The following DMBT1 variants were observed in gnomAD, a reference collection of about 807,000 sequenced individuals.
DMBT1 encodes the protein deleted in malignant brain tumors 1, also known as scavenger receptor cysteine-rich domain-containing protein DMBT1.
Under a neutral mutation model 252.9 loss-of-function variants are expected in DMBT1, and 198 were observed. The observed-to-expected ratio is 0.78, with a 90% confidence interval of 0.70 to 0.88. DMBT1 has a LOEUF of 0.88. DMBT1 is among the 40% of genes least tolerant of loss of function. The pLI is 0.00. For missense variants in DMBT1, 2,432 were observed against 2,404.7 expected, an observed-to-expected ratio of 1.01 and a Z score of -0.24; for synonymous variants, 990 against 942.7, an observed-to-expected ratio of 1.05 and a Z score of -0.92.
intron 46 of DMBT1, among the ~76,000 whole-genome samples, chr10:122,629,187 T>G (rs1366391548): frequency 6.6e-6 from 1 of 152,238 alleles, no homozygotes; most frequent in Non-Finnish European, 1.5e-5. Flanking sequence ...CTTATGTTTA[T>G]GTATAAATGT....
chr10:122,580,318 G>T (rs1447532807), intron 10 of DMBT1, among the ~76,000 whole-genome samples: 1 of 152,226 alleles, frequency 6.6e-6, no homozygotes, highest in African/African-American at 2.4e-5. Flanking sequence ...CTGAGACCCA[G>T]TGAGGAGGTC....
intron 54 of DMBT1, among the ~76,000 whole-genome samples, chr10:122,637,560 C>T (rs554563687): frequency 3.9e-5 from 6 of 152,280 alleles, no homozygotes; most frequent in Admixed American, 2.0e-4. Context: ...TCTGGCAGAC[C>T]GCCACTCCCA....
chr10:122,579,564 G>A lies in DMBT1; in HGVS notation c.680-14G>A. On this transcript the variant is annotated splice_polypyrimidine_tract_variant and intron_variant, in intron 9 of 55. Transcript: ENST00000338354. ...TGATAGGGATGGATGAAGGGTTCTT[G>A]TGTTCCCCTGTAGGATCTGAATCCA... 1.2e-6 allele frequency: 2 copies of A among 1,612,840 alleles called. No individual in the cohort carries two copies. Among genetic ancestry groups the A allele is most frequent in the East Asian group, 2.2e-5 (1 of 44,888 alleles).
At chr10:122,628,671 T>G (rs1436484682) in intron 46 of DMBT1, among the ~76,000 whole-genome samples, 1 of 152,126 alleles carries the variant, frequency 6.6e-6, no homozygotes, top group Non-Finnish European at 1.5e-5. Context: ...AATTTAATAT[T>G]GATTTATGCT....
At position 122,620,291 on chromosome 10, in the gene DMBT1, G is replaced by A; in HGVS notation, c.5284G>A (p.Gly1762Arg). Residue 1762 changes from glycine to arginine, a missense_variant and splice_region_variant, in exon 43 of 56, where the codon GGA (glycine) becomes AGA (arginine). Transcript: ENST00000338354. ...LTTNLPALTV[G>R]SESSLALRLV... ...CACCAACTTACCGGCATTGACAGTA[G>A]GTAAATAATCCTCTCGCCCCTCCCT... The A allele has an allele frequency of 2.5e-6, 4 of 1,613,956 alleles. No homozygotes were observed. The highest frequency in any genetic ancestry group is 2.5e-6 in the Non-Finnish European group (3 of 1,179,870).
At chr10:122,596,913 G>A in intron 23 of DMBT1, 112 bp from the exon 24 acceptor site, 1 of 283,966 alleles carries the variant, frequency 3.5e-6, no homozygotes, top group Non-Finnish European at 5.8e-6. Flanking sequence ...CTCCCTCTGT[G>A]ATGGGGACCT....
Position 122,618,280 on chromosome 10 carries a change from CA to C in DMBT1, c.5156del (p.His1719ProfsTer34). ...GHESYLWSCP[H>X]NGWLSHNCGH... ...CGAGTCTTACCTGTGGAGCTGCCCC[CA>C]CAATGGCTGGCTCTCCCACAACTGT... On this transcript the variant is annotated frameshift_variant, in exon 41 of 56. Transcript: ENST00000338354. LOFTEE classifies it high-confidence loss of function. The C allele has an allele frequency of 2.5e-6, 4 of 1,613,842 alleles. No homozygotes were observed. Among genetic ancestry groups the C allele is most frequent in the African/African-American group, 1.3e-5 (1 of 75,040 alleles).
intron 10 of DMBT1, among the ~76,000 whole-genome samples, 154 bp from the exon 11 acceptor site, chr10:122,580,712 C>G (rs1171827329): frequency 6.6e-6 from 1 of 152,076 alleles, no homozygotes; most frequent in Non-Finnish European, 1.5e-5. Flanking sequence ...CACGGTGCAT[C>G]TCTGTGGGGA....
intron 6 of DMBT1, 119 bp downstream of exon 6, chr10:122,573,881 G>T: frequency 1.5e-6 from 2 of 1,291,710 alleles, no homozygotes; most frequent in Non-Finnish European, 2.2e-6. Flanking sequence ...TCCCACGAGG[G>T]GCCCTTCCAC....
Position 122,643,293 on chromosome 10 carries a change from G to T in DMBT1, c.7524G>T (p.Val2508=). ...DPSSRCYRGC[V]LRSKRDVGSY... is the part of the protein sequence containing the mutation. ...CTTCCCGCTGCTACCGAGGCTGTGTGTTGAGGTCGAAGAGGGATGTGGGCT... is the reference window on the plus strand; with the variant it reads ...CTTCCCGCTGCTACCGAGGCTGTGTTTTGAGGTCGAAGAGGGATGTGGGCT... The change falls in exon 56 of 56, where the codon GTG becomes GTT. Residue 2508 remains valine, a synonymous_variant. Transcript: ENST00000338354. 1 of 1,614,014 alleles carries T rather than the reference G, an allele frequency of 6.2e-7. No homozygotes were observed. The highest frequency in any genetic ancestry group is 8.5e-7 in the Non-Finnish European group (1 of 1,179,886).
At chr10:122,565,035 T>TA (rs58208187) in intron 1 of DMBT1, among the ~76,000 whole-genome samples, 101,665 of 151,776 alleles carry the variant, frequency 0.67, 34,400 homozygotes, top group East Asian at 0.77. Flanking sequence ...TCTCCAATCT[T>TA]AAAAAAAATC....
intron 27 of DMBT1, 53 bp downstream of exon 27, chr10:122,600,146 C>T: frequency 6.3e-7 from 1 of 1,585,994 alleles, no homozygotes; most frequent in Non-Finnish European, 8.6e-7. Flanking sequence ...TGCCCAATCA[C>T]CCCTTCCACA....
intron 52 of DMBT1, 30 bp downstream of exon 52, chr10:122,633,371 GGCCCC>G: frequency 6.2e-7 from 1 of 1,611,104 alleles, no homozygotes; most frequent in South Asian, 1.1e-5. Flanking sequence ...AATGCCTTGG[GGCCCC>G]ACAGACCTTT....
intron 20 of DMBT1, among the ~76,000 whole-genome samples, 170 bp downstream of exon 20, chr10:122,592,765 G>T (rs1227702764): frequency 6.7e-6 from 1 of 148,796 alleles, no homozygotes; most frequent in African/African-American, 2.4e-5. Flanking sequence ...ACAGGGCTTG[G>T]TGTTCCTGTG....
chr10:122,636,264 C>A, intron 53 of DMBT1, 65 bp downstream of exon 53: 2 of 1,404,190 alleles, frequency 1.4e-6, no homozygotes, highest in East Asian at 2.4e-5. Context: ...TGTGGCTCAA[C>A]TGTCCTGTTG....
Position 122,592,535 on chromosome 10 carries a change from C to A in DMBT1, c.2440C>A (p.His814Asn), listed in dbSNP as rs183148698. ...CGAGTCCTACCTGTGGAGCTGCCCCCACAATGGCTGGCTCTCCCACAACTG... is the reference window on the plus strand; with the variant it reads ...CGAGTCCTACCTGTGGAGCTGCCCCAACAATGGCTGGCTCTCCCACAACTG... ...GHESYLWSCP[H>N]NGWLSHNCGH... is the part of the protein sequence containing the mutation. Residue 814 changes from histidine to asparagine, a missense_variant, in exon 20 of 56, where the codon CAC (histidine) becomes AAC (asparagine). His to Asn is a moderately conservative substitution (Grantham distance 68). This residue lies in a region of DMBT1 where 1,264 missense variants were observed against 1,082.2 expected (regional missense o/e 1.17). Coordinates refer to ENST00000338354, the MANE Select transcript of DMBT1 (RefSeq NM_001377530.1). The A allele has an allele frequency of 1.3e-5, 20 of 1,588,124 alleles. 2 individuals are homozygous for A. The highest frequency in any genetic ancestry group is 5.0e-5 in the Admixed American group (3 of 59,508).
At position 122,598,847 on chromosome 10, in the gene DMBT1, C is replaced by T; in HGVS notation, c.3030C>T (p.Tyr1010=). 2 of 1,613,732 alleles carry T rather than the reference C, an allele frequency of 1.2e-6. No individual in the cohort carries two copies. Among genetic ancestry groups the T allele is most frequent in the African/African-American group, 1.3e-5 (1 of 75,054 alleles). The change falls in exon 26 of 56, where the codon TAC becomes TAT. Residue 1010 remains tyrosine (Y), a synonymous_variant. Coordinates refer to ENST00000338354, the MANE Select transcript of DMBT1 (RefSeq NM_001377530.1). ...DRCQGRVEVL[Y]QGSWGTVCDD... is the part of the protein sequence containing the mutation. ...GTCAGGGCCGAGTGGAGGTCCTATA[C>T]CAAGGCTCCTGGGGCACCGTGTGCG...
intron 55 of DMBT1, among the ~76,000 whole-genome samples, chr10:122,641,957 C>T (rs1289273284): frequency 2.0e-5 from 3 of 152,110 alleles, no homozygotes; most frequent in Admixed American, 6.5e-5. Context: ...GGGCATGTTA[C>T]GTTTAAAAAA....
At chr10:122,617,148 C>A in intron 39 of DMBT1, 80 bp from the exon 40 acceptor site, 3 of 1,466,080 alleles carry the variant, frequency 2.0e-6, no homozygotes, top group South Asian at 1.1e-5. Flanking sequence ...CAGGTTGATT[C>A]CCCCTCCCAG....
Sources: gnomAD v4.1 joint callset for allele counts (sites outside exome capture counted in the v4.1 genomes callset) on GRCh38, gnomAD v4.1.1 for gene constraint, gnomAD v4.1.1 regional missense constraint, MANE v1.5 for transcripts, NCBI Gene and HGNC (gene_info 2026-07-23, HGNC 2026-07-21) for gene names.